The following JARID2 variants were observed in gnomAD, a reference collection of about 807,000 sequenced individuals.
JARID2 encodes the protein jumonji and AT-rich interaction domain containing 2, also known as protein Jumonji.
JARID2 carries 21 observed loss-of-function variants against 125.6 expected under a neutral mutation model. The observed-to-expected ratio is 0.17, with a 90% CI of 0.12 to 0.24. The LOEUF (loss-of-function observed/expected upper bound fraction) is 0.24. Ranked by LOEUF, JARID2 falls within the 10% of genes least tolerant of loss-of-function variation. The pLI is 1.00. For missense variants in JARID2, 1,303 were observed against 1,639.6 expected, an observed-to-expected ratio of 0.79 and a Z score of 3.55; for synonymous variants, 736 against 661.6, an observed-to-expected ratio of 1.11 and a Z score of -1.73.
intron 3 of JARID2, among the ~76,000 whole-genome samples, chr6:15,444,650 G>T (rs1409790849): frequency 6.6e-6 from 1 of 151,304 alleles, no homozygotes; most frequent in African/African-American, 2.4e-5. Context: ...CAGCAAGTTG[G>T]CAAAGCTTCA....
chr6:15,367,973 C>G (rs1483992460), intron 1 of JARID2, among the ~76,000 whole-genome samples: 1 of 151,622 alleles, frequency 6.6e-6, no homozygotes, highest in Admixed American at 6.6e-5. Context: ...TTTTGAGGGC[C>G]CATATTATTG....
At chr6:15,307,498 C>T (rs1216428860) in intron 1 of JARID2, among the ~76,000 whole-genome samples, 3 of 152,076 alleles carry the variant, frequency 2.0e-5, no homozygotes, top group Non-Finnish European at 2.9e-5. Context: ...GGATTACAGG[C>T]GTGATCCCAG....
intron 1 of JARID2, among the ~76,000 whole-genome samples, chr6:15,339,628 T>G (rs1316977628): frequency 6.7e-6 from 1 of 148,316 alleles, no homozygotes; most frequent in East Asian, 2.1e-4. Context: ...CTCTGCCTCC[T>G]GGGTTCAAGC....
At chr6:15,321,167 C>A (rs1762341779) in intron 1 of JARID2, among the ~76,000 whole-genome samples, 1 of 152,064 alleles carries the variant, frequency 6.6e-6, no homozygotes, top group African/African-American at 2.4e-5. Context: ...TTATCAATTA[C>A]AAAACACCTG....
intron 3 of JARID2, among the ~76,000 whole-genome samples, chr6:15,415,643 G>T (rs1318748849): frequency 6.9e-6 from 1 of 144,454 alleles, no homozygotes; most frequent in Non-Finnish European, 1.5e-5. Flanking sequence ...CGGGCGGGGG[G>T]CTGACCCCCC....
rs1409445065 is a variant in JARID2 at position 15,432,131 on chromosome 6, G to A, written c.324-19875G>A. ...AAAAAAAACACAGATTTATTGAAAC[G>A]AAAGTACACTCTACAGGCCGGGTGT... On this transcript the variant is annotated intron_variant, in intron 3 of 17. Coordinates refer to ENST00000341776, the MANE Select transcript of JARID2 (RefSeq NM_004973.4). 4.6e-5 allele frequency among the ~76,000 whole-genome samples: 7 copies of A among 151,764 alleles called. 1 individual carries two copies. In the East Asian group the frequency reaches 5.8e-4, roughly 13 times the overall value.
intron 3 of JARID2, among the ~76,000 whole-genome samples, chr6:15,414,150 G>A (rs893041185): frequency 1.3e-5 from 2 of 152,134 alleles, no homozygotes; most frequent in African/African-American, 4.8e-5. Flanking sequence ...GACTGAGAGG[G>A]ATTGTATGTG....
intron 3 of JARID2, among the ~76,000 whole-genome samples, chr6:15,450,125 C>G (rs912491875): frequency 6.6e-6 from 1 of 152,198 alleles, no homozygotes; most frequent in Admixed American, 6.5e-5. Context: ...CCAACCATGT[C>G]TTTAAGGGAA....
chr6:15,436,615 G>A lies in JARID2; in HGVS notation c.324-15391G>A, dbSNP rs909409866. ...GAGTAGAGCCCTAGCCAGGGGCCACGCCCTTCCTCTACCCAGCTTTTCCCT... is the reference window on the plus strand; with the variant it reads ...GAGTAGAGCCCTAGCCAGGGGCCACACCCTTCCTCTACCCAGCTTTTCCCT... On this transcript the variant is annotated intron_variant, in intron 3 of 17. Transcript: ENST00000341776. Among the ~76,000 whole-genome samples the A allele has an allele frequency of 6.6e-5, 10 of 152,040 alleles. No homozygotes were observed. The South Asian group carries it at 1.2e-3, about 19-fold the overall frequency.
At chr6:15,369,306 A>C (rs754832254) in intron 1 of JARID2, 7 of 461,370 alleles carry the variant, frequency 1.5e-5, no homozygotes, top group African/African-American at 4.0e-5. Context: ...AATTTTAGTA[A>C]ATTTTGTAAA....
Position 15,513,157 on chromosome 6 carries a change from G to C in JARID2, c.3267-82G>C. 2.0e-6 allele frequency: 3 copies of C among 1,510,454 alleles called. No homozygotes were observed. The South Asian group carries it at 3.6e-5, about 18-fold the overall frequency. 93.6% of individuals were successfully genotyped at this position (1,510,454 alleles called of 1,614,324 possible). ...AGGAGGGTGTGTCTGCAGGGAGGCC[G>C]GTGTGGGGTGCGTGTGTCCCCTCTG... On this transcript the variant is annotated intron_variant, in intron 15 of 17. Transcript: ENST00000341776.
At position 15,505,365 on chromosome 6, in the gene JARID2, T is replaced by TC. The variant is rs57509514; in HGVS notation, c.2541+777dup. On this transcript the variant is annotated intron_variant, in intron 9 of 17. Transcript: ENST00000341776. ...TTGCTGTGTTTTTTTTTTTTTTTTT[T>TC]CCCCTTAATGCCACCTGTTTCAAAT... is the stretch of plus-strand genomic sequence containing the variant. 26 of 130,438 alleles carry TC rather than the reference T, an allele frequency of 2.0e-4. 1 individual carries two copies. Among genetic ancestry groups the TC allele is most frequent in the Non-Finnish European group, 3.4e-4 (20 of 59,418 alleles). 8.1% of individuals were successfully genotyped at this position (130,438 alleles called of 1,614,324 possible). A position where few individuals can be genotyped will look rare whatever the true frequency, so the allele number is the denominator to read the frequency against.
At chr6:15,502,600 A>G (rs939779440) in intron 8 of JARID2, among the ~76,000 whole-genome samples, 1 of 152,046 alleles carries the variant, frequency 6.6e-6, no homozygotes, top group Non-Finnish European at 1.5e-5. Flanking sequence ...ATACCATCAC[A>G]CATCTTAGAA....
At chr6:15,492,277 C>A (rs1007177791) in intron 6 of JARID2, among the ~76,000 whole-genome samples, 4 of 152,214 alleles carry the variant, frequency 2.6e-5, no homozygotes, top group Non-Finnish European at 5.9e-5. Flanking sequence ...AATGTATTGT[C>A]ATTCAATGGA....
intron 1 of JARID2, among the ~76,000 whole-genome samples, chr6:15,343,061 C>T (rs1397613207): frequency 6.6e-6 from 1 of 151,944 alleles, no homozygotes; most frequent in African/African-American, 2.4e-5. Context: ...GAAACCCCAT[C>T]TCTACTAAAA....
intron 1 of JARID2, among the ~76,000 whole-genome samples, chr6:15,353,560 C>T (rs1037135916): frequency 3.6e-4 from 55 of 152,240 alleles, no homozygotes; most frequent in African/African-American, 1.2e-3. Context: ...GCCAATTGAT[C>T]GTGGTGAATT....
intron 1 of JARID2, among the ~76,000 whole-genome samples, chr6:15,307,291 C>T (rs545996021): frequency 5.9e-5 from 9 of 152,092 alleles, no homozygotes; most frequent in East Asian, 2.0e-4. Context: ...AGTGCAGTGG[C>T]GCTCACTGCA....
At chr6:15,332,603 A>T (rs972568930) in intron 1 of JARID2, among the ~76,000 whole-genome samples, 1 of 152,174 alleles carries the variant, frequency 6.6e-6, no homozygotes, top group South Asian at 2.1e-4. Flanking sequence ...TTAGAAAAAG[A>T]AATTGGCTTG....
chr6:15,498,295 G>T (rs76274557), intron 7 of JARID2, among the ~76,000 whole-genome samples: 1 of 152,174 alleles, frequency 6.6e-6, no homozygotes, highest in Non-Finnish European at 1.5e-5. Context: ...GGCTGGGGCT[G>T]TTGGAAACTT....
Sources: allele counts gnomAD v4.1 joint callset (sites outside exome capture counted in the v4.1 genomes callset), GRCh38; gene constraint gnomAD v4.1.1; transcripts MANE v1.5; gene names NCBI Gene and HGNC (gene_info 2026-07-23, HGNC 2026-07-21).